NOX4: variants seen among roughly 807,000 people sequenced by gnomAD.
The protein encoded by NOX4 is kidney oxidase-1.
NOX4 carries 69 observed loss-of-function variants against 87.6 expected under a neutral mutation model. The ratio of observed to expected loss-of-function variants is 0.79; its 90% CI spans 0.65 to 0.96. The LOEUF is 0.96. NOX4 is among the 40% of genes least tolerant of loss of function. The pLI is 0.00. For synonymous variants in NOX4, 275 were observed against 238.2 expected (o/e 1.15, Z -1.42); for missense variants, 680 against 681.5 (o/e 1.00, Z 0.02).
chr11:89,426,178 C>T (rs1358326770), intron 7 of NOX4, among the ~76,000 whole-genome samples: 1 of 152,082 alleles, frequency 6.6e-6, no homozygotes, highest in African/African-American at 2.4e-5. Flanking sequence ...TTGTATAGAA[C>T]ATCATGTTAA....
chr11:89,494,498 CA>C (rs1946926364), upstream of NOX4, among the ~76,000 whole-genome samples: 2 of 152,136 alleles, frequency 1.3e-5, no homozygotes. Flanking sequence ...TTCTTAAGGA[CA>C]AAAATCCTGT....
At chr11:89,376,419 C>T (rs1184131782) in intron 11 of NOX4, among the ~76,000 whole-genome samples, 1 of 152,160 alleles carries the variant, frequency 6.6e-6, no homozygotes, top group African/African-American at 2.4e-5. Flanking sequence ...TCATTGTTTT[C>T]TCACTGTCTT....
intron 2 of NOX4, among the ~76,000 whole-genome samples, chr11:89,473,974 T>A (rs1946057865): frequency 6.6e-6 from 1 of 152,188 alleles, no homozygotes; most frequent in Non-Finnish European, 1.5e-5. Context: ...TTTTCCTAAA[T>A]TTCCTGATAT....
At chr11:89,426,711 A>G (rs571077012) in intron 7 of NOX4, among the ~76,000 whole-genome samples, 3 of 152,216 alleles carry the variant, frequency 2.0e-5, no homozygotes, top group African/African-American at 7.2e-5. Context: ...GAGTAGGTAA[A>G]CAAAGTGGCC....
At chr11:89,520,195 G>A in the NOX4 span, among the ~76,000 whole-genome samples, 2 of 151,826 alleles carry the variant, frequency 1.3e-5, no homozygotes, top group Non-Finnish European at 2.9e-5. Context: ...TACAGTTATT[G>A]CCCTGAAGAG....
chr11:89,441,679 G>A (rs769018262), intron 5 of NOX4, among the ~76,000 whole-genome samples: 7 of 152,066 alleles, frequency 4.6e-5, no homozygotes, highest in Non-Finnish European at 7.4e-5. Context: ...AAAGTGGTAA[G>A]AATAGAAATG....
the NOX4 span, among the ~76,000 whole-genome samples, chr11:89,578,877 T>C: frequency 6.6e-6 from 1 of 152,220 alleles, no homozygotes; most frequent in African/African-American, 2.4e-5. Flanking sequence ...GCTTTATTCC[T>C]GATTGCCAAG....
chr11:89,415,526 C>T (rs575631686), intron 8 of NOX4, among the ~76,000 whole-genome samples: 15 of 152,192 alleles, frequency 9.9e-5, no homozygotes, highest in East Asian at 3.9e-4. Context: ...ACAAACTTTA[C>T]GGTATCTAAT....
chr11:89,335,973 C>G, intron 16 of NOX4, 28 bp from the exon 17 acceptor site: 1 of 1,388,672 alleles, frequency 7.2e-7, no homozygotes, highest in East Asian at 2.3e-5. Flanking sequence ...CTACATTATT[C>G]GATATTTAGT....
At chr11:89,542,758 T>TTGCGG in the NOX4 span, among the ~76,000 whole-genome samples, 3 of 152,180 alleles carry the variant, frequency 2.0e-5, no homozygotes, top group Non-Finnish European at 4.4e-5. Flanking sequence ...AACTCAGGTT[T>TTGCGG]CTAATTAAAG....
At chr11:89,450,980 A>G (rs1481943157) in intron 3 of NOX4, among the ~76,000 whole-genome samples, 5 of 148,566 alleles carry the variant, frequency 3.4e-5, no homozygotes, top group African/African-American at 1.2e-4. Flanking sequence ...ACCAAACACC[A>G]CATGTCCTCA....
At chr11:89,525,338 T>G in the NOX4 span, among the ~76,000 whole-genome samples, 38 of 152,030 alleles carry the variant, frequency 2.5e-4, 1 homozygote, top group Admixed American at 2.0e-3. Context: ...ATTTCAGGAG[T>G]AGTGAATAAG....
At chr11:89,586,950 G>T in the NOX4 span, among the ~76,000 whole-genome samples, 3 of 152,094 alleles carry the variant, frequency 2.0e-5, no homozygotes, top group Non-Finnish European at 4.4e-5. Context: ...GATAGCTATT[G>T]CACGGATTCT....
intron 2 of NOX4, chr11:89,488,759 A>C: frequency 4.6e-6 from 2 of 435,580 alleles, no homozygotes; most frequent in Non-Finnish European, 8.1e-6. Context: ...GATGAGATAA[A>C]GCTTCCACTG....
chr11:89,560,881 G>A, the NOX4 span, among the ~76,000 whole-genome samples: 1 of 148,544 alleles, frequency 6.7e-6, no homozygotes, highest in African/African-American at 2.5e-5. Flanking sequence ...ACTAAGCGAT[G>A]CTATCAGCAT....
intron 12 of NOX4, among the ~76,000 whole-genome samples, chr11:89,355,928 G>T (rs1433507124): frequency 6.6e-6 from 1 of 152,024 alleles, no homozygotes; most frequent in Non-Finnish European, 1.5e-5. Context: ...TGAGAGAATG[G>T]ACATTTGTGC....
chr11:89,454,810 T>A (rs1206255551), intron 2 of NOX4, among the ~76,000 whole-genome samples: 1 of 152,104 alleles, frequency 6.6e-6, no homozygotes, highest in East Asian at 1.9e-4. Context: ...TTTTAATGAA[T>A]CACTGAAAAT....
intron 2 of NOX4, among the ~76,000 whole-genome samples, chr11:89,457,101 C>G (rs1945238789): frequency 6.6e-6 from 1 of 152,110 alleles, no homozygotes; most frequent in South Asian, 2.1e-4. Flanking sequence ...GTAGACCAGC[C>G]CCTGACGATG....
intron 15 of NOX4, among the ~76,000 whole-genome samples, chr11:89,339,307 A>T (rs1344840068): frequency 6.6e-6 from 1 of 152,160 alleles, no homozygotes; most frequent in Admixed American, 6.6e-5. Context: ...AGATGCACTA[A>T]TACCAAAAAA....
Sources: allele counts gnomAD v4.1 joint callset (sites outside exome capture counted in the v4.1 genomes callset), GRCh38; gene constraint gnomAD v4.1.1; transcripts MANE v1.5; gene names NCBI Gene and HGNC (gene_info 2026-07-23, HGNC 2026-07-21).